GLRA3: variants seen among roughly 807,000 people sequenced by gnomAD.
The protein encoded by GLRA3 is glycine receptor subunit alpha-3.
GLRA3 carries 44 observed loss-of-function variants against 60.4 expected under a neutral mutation model. The ratio of observed to expected loss-of-function variants is 0.73; its 90% CI spans 0.57 to 0.94. The LOEUF is 0.94. Among genes scored for constraint, GLRA3 ranks in the 40% least tolerant of loss-of-function variants. GLRA3 has a pLI of 0.00. For missense variants in GLRA3, 508 were observed against 564.6 expected, an observed-to-expected ratio of 0.90 and a Z score of 1.02; for synonymous variants, 223 against 192.9, an observed-to-expected ratio of 1.16 and a Z score of -1.29.
intron 9 of GLRA3, 137 bp downstream of exon 9, chr4:174,656,606 G>A (rs981386053): frequency 1.2e-5 from 6 of 502,456 alleles, no homozygotes; most frequent in Non-Finnish European, 2.2e-5. Context: ...AGCTGAAGGG[G>A]GATGATATTT....
At chr4:174,707,053 C>A (rs2111068651) in intron 5 of GLRA3, among the ~76,000 whole-genome samples, 1 of 152,236 alleles carries the variant, frequency 6.6e-6, no homozygotes, top group South Asian at 2.1e-4. Flanking sequence ...AGCAAGATAT[C>A]TGATGAATTC....
intron 1 of GLRA3, among the ~76,000 whole-genome samples, chr4:174,818,970 G>T (rs140130808): frequency 6.6e-6 from 1 of 152,240 alleles, no homozygotes; most frequent in African/African-American, 2.4e-5. Flanking sequence ...TTTGGGTTAG[G>T]ATTTCATTAC....
At chr4:174,652,421 A>AT (rs1169890843) in intron 9 of GLRA3, among the ~76,000 whole-genome samples, 2 of 152,140 alleles carry the variant, frequency 1.3e-5, no homozygotes, top group African/African-American at 4.8e-5. Flanking sequence ...AAAATCGCTG[A>AT]TTAAAAAGTT....
rs940021150 is a variant in GLRA3 at position 174,639,870 on chromosome 4, A to C, written c.*3916T>G. The C allele has an allele frequency of 6.6e-6, 1 of 152,190 alleles. No individual in the cohort carries two copies. Among genetic ancestry groups the C allele is most frequent in the South Asian group, 2.1e-4 (1 of 4,830 alleles). 9.4% of individuals were successfully genotyped at this position (152,190 alleles called of 1,614,324 possible). A position where few individuals can be genotyped will look rare whatever the true frequency, so the allele number is the denominator to read the frequency against. On this transcript the variant is annotated 3_prime_UTR_variant, in exon 10 of 10. Coordinates refer to ENST00000274093, the MANE Select transcript of GLRA3 (RefSeq NM_006529.4). ...CTATATTTACCACTGTAGCACACAA[A>C]TAAGGAAATAAAAACCAATGCATCT... is the stretch of plus-strand genomic sequence containing the variant.
intron 3 of GLRA3, among the ~76,000 whole-genome samples, chr4:174,746,548 ATAC>A (rs374307909): frequency 2.0e-5 from 3 of 152,312 alleles, no homozygotes; most frequent in East Asian, 3.9e-4. Context: ...GGTTATAAAT[ATAC>A]AATTAGATAG....
At chr4:174,781,706 A>G (rs1738881511) in intron 2 of GLRA3, among the ~76,000 whole-genome samples, 1 of 150,352 alleles carries the variant, frequency 6.7e-6, no homozygotes, top group Admixed American at 6.6e-5. Context: ...AATAAACTAG[A>G]AAATCTAGAA....
At chr4:174,644,211 T>A (rs1482105717) in intron 9 of GLRA3, 147 bp from the exon 10 acceptor site, 2 of 593,992 alleles carry the variant, frequency 3.4e-6, no homozygotes, top group Non-Finnish European at 6.0e-6. Flanking sequence ...ATGAATTGGT[T>A]TTTATTCCCT....
In GLRA3 at chr4:174,788,932, G is replaced by A. The variant is rs773341888; in HGVS notation, c.83C>T (p.Thr28Ile). Residue 28 changes from threonine (T) to isoleucine (I), a missense_variant, in exon 2 of 10, where the codon ACA becomes ATA. This residue lies in a region of GLRA3 where 329 missense variants were observed against 349.3 expected (regional missense o/e 0.94). Coordinates refer to ENST00000274093, the MANE Select transcript of GLRA3 (RefSeq NM_006529.4). ...EAALLLSLVA[T>I]KETDSARSRS... ...AGATCTTGCACTGTCTGTTTCCTTT[G>A]TGGCAACCAAACTACAAATAAGAAC... 7 of 1,585,090 alleles carry A rather than the reference G, an allele frequency of 4.4e-6. No individual in the cohort carries two copies. The highest frequency in any genetic ancestry group is 6.0e-6 in the Non-Finnish European group (7 of 1,166,838).
chr4:174,726,617 T>G (rs906720980), intron 4 of GLRA3, among the ~76,000 whole-genome samples: 4 of 152,200 alleles, frequency 2.6e-5, no homozygotes, highest in Admixed American at 6.5e-5. Context: ...GTCTAGGATG[T>G]ACGAAGCAAA....
At chr4:174,699,838 T>TTTAATTAA (rs1735231850) in intron 5 of GLRA3, among the ~76,000 whole-genome samples, 1 of 150,098 alleles carries the variant, frequency 6.7e-6, no homozygotes, top group Non-Finnish European at 1.5e-5. Flanking sequence ...TTGTTAATTA[T>TTTAATTAA]TAATTAATAA....
At chr4:174,698,175 G>T (rs1388470960) in intron 5 of GLRA3, among the ~76,000 whole-genome samples, 2 of 151,814 alleles carry the variant, frequency 1.3e-5, no homozygotes, top group African/African-American at 4.8e-5. Flanking sequence ...CTGGTCTTGG[G>T]TTTTTTTATT....
chr4:174,652,401 G>C (rs1733052299), intron 9 of GLRA3, among the ~76,000 whole-genome samples: 1 of 152,012 alleles, frequency 6.6e-6, no homozygotes, highest in African/African-American at 2.4e-5. Flanking sequence ...ATAAAATATA[G>C]AAAGTGGGCA....
chr4:174,825,566 CT>C (rs1281480812), intron 1 of GLRA3, among the ~76,000 whole-genome samples: 2 of 151,990 alleles, frequency 1.3e-5, no homozygotes, highest in African/African-American at 4.8e-5. Context: ...TGCTTCCCTG[CT>C]TTTGGAAGTT....
chr4:174,799,788 C>G (rs1283466621), intron 1 of GLRA3, among the ~76,000 whole-genome samples: 1 of 152,106 alleles, frequency 6.6e-6, no homozygotes, highest in Admixed American at 6.6e-5. Context: ...AAGAATATAT[C>G]ACTCTAAACC....
chr4:174,791,585 C>A (rs1739347805), intron 1 of GLRA3, among the ~76,000 whole-genome samples: 1 of 152,086 alleles, frequency 6.6e-6, no homozygotes, highest in Admixed American at 6.6e-5. Flanking sequence ...TTTGGTGGGA[C>A]ACTATCATAC....
At chr4:174,700,978 A>T (rs1366189179) in intron 5 of GLRA3, among the ~76,000 whole-genome samples, 1 of 152,204 alleles carries the variant, frequency 6.6e-6, no homozygotes, top group Admixed American at 6.5e-5. Context: ...GAAAGTGCTG[A>T]TGTAGAAGCT....
chr4:174,816,473 G>C (rs1293136122), intron 1 of GLRA3, among the ~76,000 whole-genome samples: 1 of 152,136 alleles, frequency 6.6e-6, no homozygotes, highest in Non-Finnish European at 1.5e-5. Context: ...TACATATCTA[G>C]AACTTAACTC....
At chr4:174,651,754 C>T (rs1310833916) in intron 9 of GLRA3, among the ~76,000 whole-genome samples, 2 of 152,126 alleles carry the variant, frequency 1.3e-5, no homozygotes, top group East Asian at 3.9e-4. Context: ...TGGGTTTTGC[C>T]ATGTGACTGC....
chr4:174,706,850 T>C (rs936645245), intron 5 of GLRA3, among the ~76,000 whole-genome samples: 3 of 152,160 alleles, frequency 2.0e-5, no homozygotes, highest in Non-Finnish European at 4.4e-5. Flanking sequence ...TCTGTGAATT[T>C]TAAAGGAGCG....
Sources: gnomAD v4.1 joint callset for allele counts (sites outside exome capture counted in the v4.1 genomes callset) on GRCh38, gnomAD v4.1.1 for gene constraint, gnomAD v4.1.1 regional missense constraint, MANE v1.5 for transcripts, NCBI Gene and HGNC (gene_info 2026-07-23, HGNC 2026-07-21) for gene names.